The following PNPLA8 variants were observed in gnomAD, a reference collection of about 807,000 sequenced individuals.
PNPLA8 encodes the protein calcium-independent phospholipase A2-gamma.
A neutral mutation model predicts 76.9 loss-of-function variants in PNPLA8; 39 were observed. The ratio of observed to expected loss-of-function variants is 0.51; its 90% CI spans 0.39 to 0.66. The LOEUF (loss-of-function observed/expected upper bound fraction) is 0.66, where lower values mean the gene tolerates loss of function less well. Among genes scored for constraint, PNPLA8 ranks in the 30% least tolerant of loss-of-function variants. The probability of loss-of-function intolerance (pLI) is 0.00; values close to 1 mark genes in which losing one functional copy is unlikely to be tolerated. For synonymous variants in PNPLA8, 301 were observed against 307.9 expected, an observed-to-expected ratio of 0.98 and a Z score of 0.24; for missense variants, 887 against 918.0, an observed-to-expected ratio of 0.97 and a Z score of 0.44.
At chr7:108,476,684 A>C (rs984012820) in intron 10 of PNPLA8, among the ~76,000 whole-genome samples, 1 of 152,196 alleles carries the variant, frequency 6.6e-6, no homozygotes, top group African/African-American at 2.4e-5. Context: ...ATTGCTGCTC[A>C]CCCATGTTCA....
chr7:108,516,558 C>T (rs1863356088), intron 2 of PNPLA8, among the ~76,000 whole-genome samples: 1 of 152,124 alleles, frequency 6.6e-6, no homozygotes, highest in African/African-American at 2.4e-5. Context: ...GAGACAATAT[C>T]AAATGCACAA....
At position 108,520,078 on chromosome 7, in the gene PNPLA8, A is replaced by G. The variant is rs371249112; in HGVS notation, c.-84+1398T>C. Among the ~76,000 whole-genome samples, 8 of 152,256 alleles carry G rather than the reference A, an allele frequency of 5.3e-5. No homozygotes were observed. The East Asian group carries it at 1.4e-3, about 26-fold the overall frequency. On this transcript the variant is annotated intron_variant, in intron 2 of 10. Coordinates refer to ENST00000257694, the MANE Select transcript of PNPLA8 (RefSeq NM_001256007.3). ...ATAGCTATATAAGTATGTGGGCCCC[A>G]CTGGGATATTTAAGTAATCATTGTG...
intron 4 of PNPLA8, chr7:108,510,203 C>G (rs1480065943): frequency 2.0e-6 from 2 of 990,968 alleles, no homozygotes; most frequent in Non-Finnish European, 3.0e-6. Flanking sequence ...GAAAGAAAAC[C>G]GGTAACTAGC....
chr7:108,483,055 A>T (rs1860509302), intron 9 of PNPLA8, among the ~76,000 whole-genome samples: 1 of 152,232 alleles, frequency 6.6e-6, no homozygotes, highest in African/African-American at 2.4e-5. Context: ...TTTGCAAACC[A>T]CAGATTATGA....
intron 10 of PNPLA8, among the ~76,000 whole-genome samples, chr7:108,477,803 G>T (rs1860105869): frequency 6.6e-6 from 1 of 152,178 alleles, no homozygotes; most frequent in African/African-American, 2.4e-5. Context: ...GTTTGAGGCT[G>T]CAGTGAGCTA....
intron 2 of PNPLA8, among the ~76,000 whole-genome samples, 187 bp from the exon 3 acceptor site, chr7:108,515,761 G>A (rs1863294265): frequency 1.3e-5 from 2 of 152,076 alleles, no homozygotes; most frequent in Admixed American, 1.3e-4. Flanking sequence ...CAGTATAGAG[G>A]TAAATAAAAA....
chr7:108,487,895 C>T lies in PNPLA8; in HGVS notation c.1742G>A (p.Arg581Lys). The change falls in exon 9 of 11, where the codon AGA becomes AAA. Residue 581 changes from arginine (R) to lysine (K), a missense_variant. By Grantham distance (26) the Arg-to-Lys change is conservative. Transcript: ENST00000257694. ...RGITPKAFVF[R>K]NYGHFPGINS... ...GATTCCAGGAAAATGACCATAGTTT[C>T]TGAACACAAAAGCTTTGGGTGTTAT... 1 of 1,613,524 alleles carries T rather than the reference C, an allele frequency of 6.2e-7. No homozygotes were observed. The highest frequency in any genetic ancestry group is 8.5e-7 in the Non-Finnish European group (1 of 1,179,552).
intron 2 of PNPLA8, chr7:108,518,227 A>G (rs1315477463): frequency 1.3e-5 from 2 of 152,226 alleles, no homozygotes; most frequent in Non-Finnish European, 2.9e-5. Flanking sequence ...TGATTTCCAC[A>G]TGAATTTTGA....
intron 10 of PNPLA8, among the ~76,000 whole-genome samples, chr7:108,474,965 A>C (rs564275783): frequency 9.8e-5 from 15 of 152,312 alleles, no homozygotes; most frequent in Middle Eastern, 3.4e-3. Flanking sequence ...AGGGCCAGTA[A>C]GCAAAGCTTC....
intron 8 of PNPLA8, among the ~76,000 whole-genome samples, chr7:108,491,044 C>T (rs750143004): frequency 6.6e-5 from 10 of 152,046 alleles, no homozygotes; most frequent in Non-Finnish European, 1.2e-4. Flanking sequence ...ATGGCTCATG[C>T]CTGTAATCCC....
At chr7:108,515,908 AAAT>A (rs766737431) in intron 2 of PNPLA8, among the ~76,000 whole-genome samples, 42 of 152,350 alleles carry the variant, frequency 2.8e-4, no homozygotes, top group Non-Finnish European at 5.6e-4. Flanking sequence ...CCTCATTGTT[AAAT>A]TCTGGACTAC....
At position 108,513,576 on chromosome 7, in the gene PNPLA8, G is replaced by A. The variant is rs535418931; in HGVS notation, c.1206+568C>T. On this transcript the variant is annotated intron_variant, in intron 4 of 10. Coordinates refer to ENST00000257694, the MANE Select transcript of PNPLA8 (RefSeq NM_001256007.3). Reference sequence around the variant, plus strand: ...AATCTTAATAATATAGATGTAAAGAGACTCAATCACATTAGTCATATTTTA... The same window carrying A: ...AATCTTAATAATATAGATGTAAAGAAACTCAATCACATTAGTCATATTTTA... Among the ~76,000 whole-genome samples, 7 of 152,020 alleles carry A rather than the reference G, an allele frequency of 4.6e-5. No individual in the cohort carries two copies. In the South Asian group the frequency reaches 1.2e-3, roughly 27 times the overall value.
intron 2 of PNPLA8, among the ~76,000 whole-genome samples, chr7:108,520,006 G>A (rs939306996): frequency 2.6e-5 from 4 of 152,024 alleles, no homozygotes; most frequent in Non-Finnish European, 5.9e-5. Context: ...AGTTATTGCC[G>A]CTCGAGAGAA....
chr7:108,490,047 T>C (rs1861031259), intron 8 of PNPLA8, among the ~76,000 whole-genome samples: 2 of 152,244 alleles, frequency 1.3e-5, no homozygotes, highest in Admixed American at 6.5e-5. Flanking sequence ...CATAAGACTA[T>C]AAACGGGCTT....
At chr7:108,497,346 A>G in intron 6 of PNPLA8, 137 bp downstream of exon 6, 1 of 551,792 alleles carries the variant, frequency 1.8e-6, no homozygotes, top group Non-Finnish European at 3.1e-6. Flanking sequence ...ACAAAAGACA[A>G]AAAAGGAAGT....
intron 9 of PNPLA8, among the ~76,000 whole-genome samples, chr7:108,482,744 T>C (rs2154514959): frequency 6.6e-6 from 1 of 152,338 alleles, no homozygotes; most frequent in South Asian, 2.1e-4. Context: ...GATTTATATC[T>C]AAGTGTTTAA....
chr7:108,497,309 T>C (rs1861616700), intron 6 of PNPLA8, among the ~76,000 whole-genome samples, 174 bp downstream of exon 6: 1 of 152,216 alleles, frequency 6.6e-6, no homozygotes, highest in African/African-American at 2.4e-5. Flanking sequence ...CACTGCCACC[T>C]AGTGTGCCTA....
intron 4 of PNPLA8, among the ~76,000 whole-genome samples, chr7:108,503,300 A>G (rs923650558): frequency 6.6e-6 from 1 of 152,242 alleles, no homozygotes. Flanking sequence ...ACACAGAAGC[A>G]TCTTACATAG....
chr7:108,474,038 T>C (rs2154514601), intron 10 of PNPLA8, among the ~76,000 whole-genome samples: 1 of 152,318 alleles, frequency 6.6e-6, no homozygotes, highest in East Asian at 1.9e-4. Context: ...GAGAATTCTC[T>C]ATATATTTTG....
Sources: gnomAD v4.1 joint callset for allele counts (sites outside exome capture counted in the v4.1 genomes callset) on GRCh38, gnomAD v4.1.1 for gene constraint, MANE v1.5 for transcripts, NCBI Gene and HGNC (gene_info 2026-07-23, HGNC 2026-07-21) for gene names.